The following ATP5F1D variants were observed in gnomAD, a reference collection of about 807,000 sequenced individuals.
The protein encoded by ATP5F1D is ATP synthase F1 subunit delta.
In ATP5F1D, 16 loss-of-function variants were observed where a neutral mutation model predicts 13.0. The ratio of observed to expected loss-of-function variants is 1.23; its 90% CI spans 0.83 to 1.87. ATP5F1D has a LOEUF of 1.87. ATP5F1D is among the 40% of genes most tolerant of loss of function. The probability of loss-of-function intolerance (pLI) is 0.00; values close to 1 mark genes in which losing one functional copy is unlikely to be tolerated. For synonymous variants in ATP5F1D, 129 were observed against 116.2 expected (o/e 1.11, Z -0.71); for missense variants, 294 against 246.2 (o/e 1.19, Z -1.30).
At chr19:1,243,739 C>G (rs1222446165) in intron 2 of ATP5F1D, among the ~76,000 whole-genome samples, 2 of 152,220 alleles carry the variant, frequency 1.3e-5, no homozygotes, top group Non-Finnish European at 2.9e-5. Flanking sequence ...AAAAGCAGTT[C>G]TAAGCCTCAC....
In ATP5F1D at chr19:1,244,143, G is replaced by C; in HGVS notation, c.342G>C (p.Leu114Phe). The change falls in exon 3 of 4, where the codon TTG becomes TTC. Residue 114 changes from leucine to phenylalanine, a missense_variant. By Grantham distance (22) the Leu-to-Phe change is conservative. Coordinates refer to ENST00000215375, the MANE Select transcript of ATP5F1D (RefSeq NM_001687.5). ...TGAACGCCGACTCTTCGGTGCAGTT[G>C]TTGGCCGAAGAGGCCGTGACGCTGG... ...IAVNADSSVQ[L>F]LAEEAVTLDM... 2 of 1,612,594 alleles carry C rather than the reference G, an allele frequency of 1.2e-6. No homozygotes were observed. The highest frequency in any genetic ancestry group is 1.7e-6 in the Non-Finnish European group (2 of 1,179,518).
rs112343618 is a variant in ATP5F1D at position 1,244,441 on chromosome 19, G to T, written c.*4G>T. The T allele has an allele frequency of 1.9e-6, 3 of 1,552,294 alleles. No individual in the cohort carries two copies. In the African/African-American group the frequency reaches 4.1e-5, roughly 21 times the overall value. The stretch of plus-strand genomic sequence containing the variant: ...CCTGGTGAAGGCCCTGGAGTAGGCG[G>T]TGCGTACCCGGTGTCCCGAGGCCCG... On this transcript the variant is annotated 3_prime_UTR_variant, in exon 4 of 4. Coordinates refer to ENST00000215375, the MANE Select transcript of ATP5F1D (RefSeq NM_001687.5).
intron 2 of ATP5F1D, among the ~76,000 whole-genome samples, chr19:1,243,733 G>A (rs531848173): frequency 6.6e-5 from 10 of 152,294 alleles, no homozygotes; most frequent in African/African-American, 2.4e-4. Flanking sequence ...AGGAAAAAAA[G>A]CAGTTCTAAG....
chr19:1,244,712 G>A lies in ATP5F1D; in HGVS notation c.*275G>A, dbSNP rs1035009408. 3 of 466,472 alleles carry A rather than the reference G, an allele frequency of 6.4e-6. No homozygotes were observed. Among genetic ancestry groups the A allele is most frequent in the Non-Finnish European group, 1.1e-5 (3 of 263,114 alleles). 28.9% of individuals were successfully genotyped at this position (466,472 alleles called of 1,614,324 possible). Reference sequence around the variant, plus strand: ...CAAGATCCCCCCAGCCTGACGGGCCGCTTACCATCCCCTCTGCCCTGCAGA... The same window carrying A: ...CAAGATCCCCCCAGCCTGACGGGCCACTTACCATCCCCTCTGCCCTGCAGA... On this transcript the variant is annotated 3_prime_UTR_variant, in exon 4 of 4. Transcript: ENST00000215375.
chr19:1,242,560 G>T lies in ATP5F1D; in HGVS notation c.246G>T (p.Pro82=). The T allele has an allele frequency of 5.8e-6, 9 of 1,545,394 alleles. No individual in the cohort carries two copies. Among genetic ancestry groups the T allele is most frequent in the Non-Finnish European group, 7.9e-6 (9 of 1,143,998 alleles). The change falls in exon 2 of 4, where the codon CCG becomes CCT. Residue 82 remains proline, a synonymous_variant. Coordinates refer to ENST00000215375, the MANE Select transcript of ATP5F1D (RefSeq NM_001687.5). ...TGCCCACGCTGCAGGTCCTGCGGCCGGGGCTGGTCGTGGTGCATGCAGAGG... is the reference window on the plus strand; with the variant it reads ...TGCCCACGCTGCAGGTCCTGCGGCCTGGGCTGGTCGTGGTGCATGCAGAGG... ...AHVPTLQVLR[P]GLVVVHAEDG...
Position 1,241,964 on chromosome 19 carries a change from G to C in ATP5F1D, c.114G>C (p.Met38Ile). ...CTGCCGCCTCTGGCCCCAACCAGAT[G>C]TCCTTCACCTTCGCCTCTCCCACGC... Reference protein sequence around the residue: ...APAAASGPNQMSFTFASPTQV... With the variant: ...APAAASGPNQISFTFASPTQV... Residue 38 changes from methionine (M) to isoleucine (I), a missense_variant, in exon 1 of 4, where the codon ATG becomes ATC. Transcript: ENST00000215375. 6.7e-7 allele frequency: 1 copy of C among 1,483,556 alleles called. No homozygotes were observed. The allele number at this position is 1,483,556 out of a possible 1,614,324, so 91.9% of individuals were successfully genotyped here.
In ATP5F1D at chr19:1,241,812, TG is replaced by T. The variant is rs2081038234; in HGVS notation, c.-38del. 1 of 1,299,838 alleles carries T rather than the reference TG, an allele frequency of 7.7e-7. No homozygotes were observed. The allele number at this position is 1,299,838 out of a possible 1,614,324, so 80.5% of individuals were successfully genotyped here. ...CCGCCCGCGCCGCGCCGGAGTCCGC[TG>T]TCCGCCAGCTACCCGCTTCCTGCCG... On this transcript the variant is annotated 5_prime_UTR_variant, in exon 1 of 4. Transcript: ENST00000215375.
Position 1,241,873 on chromosome 19 carries a change from G to A in ATP5F1D, c.23G>A (p.Arg8His). ...GCCATGCTGCCCGCCGCGCTGCTCC[G>A]CCGCCCGGGACTTGGCCGCCTCGTC... MLPAALL[R>H]RPGLGRLVRH... Residue 8 changes from arginine to histidine, a missense_variant, in exon 1 of 4, where the codon CGC becomes CAC. By Grantham distance (29) the Arg-to-His change is conservative. Coordinates refer to ENST00000215375, the MANE Select transcript of ATP5F1D (RefSeq NM_001687.5). The A allele has an allele frequency of 1.4e-6, 2 of 1,399,032 alleles. No individual in the cohort carries two copies. Among genetic ancestry groups the A allele is most frequent in the Admixed American group, 3.0e-5 (1 of 33,226 alleles). The allele number at this position is 1,399,032 out of a possible 1,614,324, so 86.7% of individuals were successfully genotyped here. A position where few individuals can be genotyped will look rare whatever the true frequency, so the allele number is the denominator to read the frequency against.
rs1044624738 is a variant in ATP5F1D at position 1,241,936 on chromosome 19, C to T, written c.86C>T (p.Pro29Leu). 1.3e-6 allele frequency: 2 copies of T among 1,497,430 alleles called. No homozygotes were observed. The highest frequency in any genetic ancestry group is 2.1e-5 in the Admixed American group (1 of 48,724). The allele number at this position is 1,497,430 out of a possible 1,614,324, so 92.8% of individuals were successfully genotyped here. Reference protein sequence around the residue: ...ARAYAEAAAAPAAASGPNQMS... With the variant: ...ARAYAEAAAALAAASGPNQMS... ...GCCTATGCCGAGGCCGCCGCCGCCC[C>T]GGCTGCCGCCTCTGGCCCCAACCAG... The change falls in exon 1 of 4, where the codon CCG becomes CTG. Residue 29 changes from proline (P) to leucine (L), a missense_variant. By Grantham distance (98) the Pro-to-Leu change is moderately conservative. Transcript: ENST00000215375.
At position 1,242,618 on chromosome 19, in the gene ATP5F1D, G is replaced by A. The variant is rs1159078179; in HGVS notation, c.295+9G>A. ...CACCTCCAAATACTTTGGTGAGTCC[G>A]GTGGAGGGCTGCAGGGCCAGGCCAG... On this transcript the variant is annotated intron_variant, in intron 2 of 3. Coordinates refer to ENST00000215375, the MANE Select transcript of ATP5F1D (RefSeq NM_001687.5). The A allele has an allele frequency of 6.7e-6, 10 of 1,501,142 alleles. No individual in the cohort carries two copies. Among genetic ancestry groups the A allele is most frequent in the Admixed American group, 2.1e-5 (1 of 46,900 alleles). 93.0% of individuals were successfully genotyped at this position (1,501,142 alleles called of 1,614,324 possible).
Position 1,244,524 on chromosome 19 carries a change from C to G in ATP5F1D, c.*87C>G. The G allele has an allele frequency of 1.3e-6, 2 of 1,492,020 alleles. No homozygotes were observed. The highest frequency in any genetic ancestry group is 2.5e-5 in the East Asian group (1 of 40,326). The allele number at this position is 1,492,020 out of a possible 1,614,324, so 92.4% of individuals were successfully genotyped here. A position where few individuals can be genotyped will look rare whatever the true frequency, so the allele number is the denominator to read the frequency against. On this transcript the variant is annotated 3_prime_UTR_variant, in exon 4 of 4. Transcript: ENST00000215375. Reference sequence around the variant, plus strand: ...CAGCCAGCTCCTGGGGTCCCGGCCACCTGGGGAAGCCGCGCCTGCCAAGGA... The same window carrying G: ...CAGCCAGCTCCTGGGGTCCCGGCCAGCTGGGGAAGCCGCGCCTGCCAAGGA...
At chr19:1,243,956 G>C in intron 2 of ATP5F1D, 141 bp from the exon 3 acceptor site, 1 of 833,340 alleles carries the variant, frequency 1.2e-6, no homozygotes, top group South Asian at 1.7e-5. Flanking sequence ...AGTCCTGTGG[G>C]TCTGTTTGCA....
At position 1,244,668 on chromosome 19, in the gene ATP5F1D, G is replaced by C; in HGVS notation, c.*231G>C. On this transcript the variant is annotated 3_prime_UTR_variant, in exon 4 of 4. Coordinates refer to ENST00000215375, the MANE Select transcript of ATP5F1D (RefSeq NM_001687.5). ...CTTTGAGCTGTGGCTGCCACCCATG[G>C]GGCTCTCCTTCCGCCTCTCAAGATC... is the stretch of plus-strand genomic sequence containing the variant. 1 of 621,342 alleles carries C rather than the reference G, an allele frequency of 1.6e-6. No homozygotes were observed. The highest frequency in any genetic ancestry group is 2.7e-6 in the Non-Finnish European group (1 of 373,942). 38.5% of individuals were successfully genotyped at this position (621,342 alleles called of 1,614,324 possible).
rs1433217385 is a variant in ATP5F1D, at chr19:1,244,505, G to A, written c.*68G>A. 2.3e-5 allele frequency: 35 copies of A among 1,514,678 alleles called. No individual in the cohort carries two copies. The highest frequency in any genetic ancestry group is 2.7e-5 in the Non-Finnish European group (30 of 1,126,582). The allele number at this position is 1,514,678 out of a possible 1,614,324, so 93.8% of individuals were successfully genotyped here. On this transcript the variant is annotated 3_prime_UTR_variant, in exon 4 of 4. Coordinates refer to ENST00000215375, the MANE Select transcript of ATP5F1D (RefSeq NM_001687.5). ...CAGGGATGCCAGGTGGGCCCAGCCA[G>A]CTCCTGGGGTCCCGGCCACCTGGGG...
intron 2 of ATP5F1D, 34 bp from the exon 3 acceptor site, chr19:1,244,063 G>A (rs747879028): frequency 1.3e-6 from 2 of 1,587,380 alleles, no homozygotes; most frequent in Non-Finnish European, 1.7e-6. Context: ...AGCCCTTTGG[G>A]GTCTCACGCC....
In ATP5F1D at chr19:1,244,520, G is replaced by T; in HGVS notation, c.*83G>T. On this transcript the variant is annotated 3_prime_UTR_variant, in exon 4 of 4. Coordinates refer to ENST00000215375, the MANE Select transcript of ATP5F1D (RefSeq NM_001687.5). ...GGCCCAGCCAGCTCCTGGGGTCCCG[G>T]CCACCTGGGGAAGCCGCGCCTGCCA... 1 of 1,497,536 alleles carries T rather than the reference G, an allele frequency of 6.7e-7. No individual in the cohort carries two copies. The highest frequency in any genetic ancestry group is 2.2e-5 in the Admixed American group (1 of 44,600). 92.8% of individuals were successfully genotyped at this position (1,497,536 alleles called of 1,614,324 possible).
At position 1,241,882 on chromosome 19, in the gene ATP5F1D, G is replaced by A; in HGVS notation, c.32G>A (p.Gly11Glu). ...CCCGCCGCGCTGCTCCGCCGCCCGG[G>A]ACTTGGCCGCCTCGTCCGCCACGCC... Reference protein sequence around the residue: MLPAALLRRPGLGRLVRHARA... With the variant: MLPAALLRRPELGRLVRHARA... Residue 11 changes from glycine (G) to glutamate (E), a missense_variant, in exon 1 of 4, where the codon GGA becomes GAA. Physicochemically the swap from Gly to Glu is moderately conservative, Grantham distance 98. Transcript: ENST00000215375. 7.0e-7 allele frequency: 1 copy of A among 1,430,254 alleles called. No individual in the cohort carries two copies. The highest frequency in any genetic ancestry group is 9.1e-7 in the Non-Finnish European group (1 of 1,093,564). The allele number at this position is 1,430,254 out of a possible 1,614,324, so 88.6% of individuals were successfully genotyped here.
In ATP5F1D at chr19:1,244,316, C is replaced by T; in HGVS notation, c.386C>T (p.Ala129Val). The change falls in exon 4 of 4, where the codon GCA (alanine) becomes GTA (valine). Residue 129 changes from alanine to valine, a missense_variant and splice_region_variant. Ala to Val is a moderately conservative substitution (Grantham distance 64, BLOSUM62 0). Transcript: ENST00000215375. ...AVTLDMLDLG[A>V]AKANLEKAQA... ...TCACCGCCCCTCAACCCCTTGCAGG[C>T]AGCCAAGGCAAACTTGGAGAAGGCC... 1 of 1,592,710 alleles carries T rather than the reference C, an allele frequency of 6.3e-7. No individual in the cohort carries two copies. The highest frequency in any genetic ancestry group is 2.3e-5 in the East Asian group (1 of 44,072).
In ATP5F1D at chr19:1,244,130, C is replaced by A. The variant is rs1339635093; in HGVS notation, c.329C>A (p.Ser110Tyr). 3 of 1,612,214 alleles carry A rather than the reference C, an allele frequency of 1.9e-6. No homozygotes were observed. The highest frequency in any genetic ancestry group is 1.7e-6 in the Non-Finnish European group (2 of 1,179,376). The change falls in exon 3 of 4, where the codon TCT (serine) becomes TAT (tyrosine). Residue 110 changes from serine (S) to tyrosine (Y), a missense_variant. Physicochemically the swap from Ser to Tyr is moderately radical, Grantham distance 144. Coordinates refer to ENST00000215375, the MANE Select transcript of ATP5F1D (RefSeq NM_001687.5). ...GGTTCCATCGCAGTGAACGCCGACT[C>A]TTCGGTGCAGTTGTTGGCCGAAGAG... is the stretch of plus-strand genomic sequence containing the variant. ...SSGSIAVNADSSVQLLAEEAV... is the reference protein window; with the variant it reads ...SSGSIAVNADYSVQLLAEEAV...
Sources: allele counts gnomAD v4.1 joint callset (sites outside exome capture counted in the v4.1 genomes callset), GRCh38; gene constraint gnomAD v4.1.1; transcripts MANE v1.5; gene names NCBI Gene and HGNC (gene_info 2026-07-23, HGNC 2026-07-21).